Variants in KIF26B observed in about 807,000 individuals in gnomAD.
KIF26B encodes kinesin family member 26B.
KIF26B carries 63 observed loss-of-function variants against 151.2 expected under a neutral mutation model. The ratio of observed to expected loss-of-function variants is 0.42; its 90% CI spans 0.34 to 0.51. KIF26B has a LOEUF of 0.51. Ranked by LOEUF, KIF26B falls within the 20% of genes least tolerant of loss-of-function variation. The probability of loss-of-function intolerance (pLI) is 0.07; values close to 1 mark genes in which losing one functional copy is unlikely to be tolerated. For synonymous variants in KIF26B, 1,357 were observed against 1,262.1 expected (o/e 1.08, Z -1.59); for missense variants, 2,813 against 2,913.6 (o/e 0.97, Z 0.79).
At chr1:245,344,964 C>T (rs1672418354) in intron 2 of KIF26B, among the ~76,000 whole-genome samples, 1 of 152,098 alleles carries the variant, frequency 6.6e-6, no homozygotes, top group Non-Finnish European at 1.5e-5. Flanking sequence ...GATGCCTCCG[C>T]GTACACACTG....
chr1:245,416,165 A>G (rs1674412501), intron 3 of KIF26B, among the ~76,000 whole-genome samples: 1 of 151,034 alleles, frequency 6.6e-6, no homozygotes, highest in South Asian at 2.1e-4. Flanking sequence ...CTGTAATCCC[A>G]GCTACTCTGG....
chr1:245,696,778 G>T (rs77575357), intron 12 of KIF26B, among the ~76,000 whole-genome samples: 2,056 of 152,298 alleles, frequency 0.013, 60 homozygotes, highest in African/African-American at 0.047. Context: ...AAATGCGATT[G>T]TGTATGTGTC....
chr1:245,696,936 CCT>C (rs1350222448), intron 12 of KIF26B, among the ~76,000 whole-genome samples: 1 of 152,084 alleles, frequency 6.6e-6, no homozygotes, highest in Non-Finnish European at 1.5e-5. Context: ...ATCGTGAAAC[CCT>C]GTCTCTACTA....
In KIF26B at chr1:245,339,038, T is replaced by G. The variant is rs1039405879; in HGVS notation, c.466-27796T>G. 2.0e-5 allele frequency among the ~76,000 whole-genome samples: 3 copies of G among 151,540 alleles called. No individual in the cohort carries two copies. The East Asian group carries it at 5.8e-4, about 29-fold the overall frequency. On this transcript the variant is annotated intron_variant, in intron 2 of 14. Coordinates refer to ENST00000407071, the MANE Select transcript of KIF26B (RefSeq NM_018012.4). ...CTCTGTCCAGGTTGGAGTGCAGTAG[T>G]GCTATCTCGGCTCACTGCCACCTCC...
At chr1:245,221,872 C>A (rs1467843672) in intron 2 of KIF26B, among the ~76,000 whole-genome samples, 1 of 152,172 alleles carries the variant, frequency 6.6e-6, no homozygotes, top group East Asian at 1.9e-4. Flanking sequence ...ATAGCCTTGG[C>A]TTCTAGGTCT....
chr1:245,646,354 G>A (rs2043946206), intron 10 of KIF26B, 74 bp downstream of exon 10: 1 of 1,502,112 alleles, frequency 6.7e-7, no homozygotes, highest in African/African-American at 1.4e-5. Flanking sequence ...TGCCATCTGT[G>A]GAGAGGTGTG....
intron 4 of KIF26B, among the ~76,000 whole-genome samples, chr1:245,504,441 C>A (rs1572095457): frequency 7.4e-6 from 1 of 134,404 alleles, no homozygotes. Flanking sequence ...CTTTCTTTTT[C>A]TTTTTTTTTG....
chr1:245,452,539 C>A (rs796506813), intron 4 of KIF26B, among the ~76,000 whole-genome samples: 2 of 152,082 alleles, frequency 1.3e-5, no homozygotes, highest in South Asian at 4.2e-4. Context: ...CAGCGGCTGC[C>A]CATTTTACCC....
rs569215929 is a variant in KIF26B at position 245,241,763 on chromosome 1, G to A, written c.465+85080G>A. Among the ~76,000 whole-genome samples, 92 of 152,192 alleles carry A rather than the reference G, an allele frequency of 6.0e-4. No homozygotes were observed. The highest frequency in any genetic ancestry group is 1.2e-3 in the Non-Finnish European group (81 of 68,028). ...CCTCCTGTGGGCAGTGCTTCACAGC[G>A]GCAGCGGGAGCACTGGGTGCAGCCT... On this transcript the variant is annotated intron_variant, in intron 2 of 14. Coordinates refer to ENST00000407071, the MANE Select transcript of KIF26B (RefSeq NM_018012.4). This position sits in a 1 kb window ranked among gnomAD's most constrained non-coding sequence, Gnocchi z 5.0.
At chr1:245,500,181 C>T (rs1363324578) in intron 4 of KIF26B, among the ~76,000 whole-genome samples, 2 of 152,180 alleles carry the variant, frequency 1.3e-5, no homozygotes, top group Admixed American at 1.3e-4. Context: ...TGAAAGCTGT[C>T]GACTTTCCTT....
intron 4 of KIF26B, among the ~76,000 whole-genome samples, chr1:245,527,272 C>T (rs146530655): frequency 5.9e-5 from 9 of 152,254 alleles, no homozygotes; most frequent in Non-Finnish European, 1.0e-4. Flanking sequence ...AAAAGATATA[C>T]GTACATATTT....
At chr1:245,537,893 T>C (rs1661521085) in intron 4 of KIF26B, among the ~76,000 whole-genome samples, 1 of 152,178 alleles carries the variant, frequency 6.6e-6, no homozygotes, top group African/African-American at 2.4e-5. Context: ...AATTGATTAA[T>C]CATAGGCATT....
chr1:245,593,748 C>CACCT (rs2043313637), intron 5 of KIF26B, among the ~76,000 whole-genome samples: 1 of 152,196 alleles, frequency 6.6e-6, no homozygotes, highest in Non-Finnish European at 1.5e-5. Flanking sequence ...AATCACCACA[C>CACCT]TGTCTTCCAC....
Position 245,687,668 on chromosome 1 carries a change from A to C in KIF26B, c.4685A>C (p.Asn1562Thr). The C allele has an allele frequency of 6.3e-7, 1 of 1,577,186 alleles. No homozygotes were observed. The highest frequency in any genetic ancestry group is 1.2e-5 in the South Asian group (1 of 85,632). ...TCCTATTACTGCGCTGCTGAGACCA[A>C]CGGGGTGGGTGCAGCCTCGGGCACC... ...SLSYYCAAET[N>T]GVGAASGTPP... The change falls in exon 12 of 15, where the codon AAC becomes ACC. Residue 1562 changes from asparagine to threonine, a missense_variant. Physicochemically the swap from Asn to Thr is moderately conservative, Grantham distance 65 (BLOSUM62 0). This residue lies in a region of KIF26B where 2,060 missense variants were observed against 2,088.6 expected (regional missense o/e 0.99). Coordinates refer to ENST00000407071, the MANE Select transcript of KIF26B (RefSeq NM_018012.4). The surrounding 1 kb of genome is among the most constrained non-coding windows in gnomAD (Gnocchi z 4.9).
chr1:245,381,477 G>A (rs1673407954), intron 3 of KIF26B, among the ~76,000 whole-genome samples: 1 of 152,174 alleles, frequency 6.6e-6, no homozygotes, highest in African/African-American at 2.4e-5. Flanking sequence ...AACATTGCGA[G>A]ATTTTTTTGG....
chr1:245,538,964 T>C (rs992387973), intron 4 of KIF26B, among the ~76,000 whole-genome samples: 1 of 152,154 alleles, frequency 6.6e-6, no homozygotes, highest in Non-Finnish European at 1.5e-5. Flanking sequence ...CATTTCACCC[T>C]TGATTTTAGA....
intron 2 of KIF26B, among the ~76,000 whole-genome samples, chr1:245,174,776 C>T (rs1668775286): frequency 2.0e-5 from 3 of 152,228 alleles, no homozygotes; most frequent in African/African-American, 7.2e-5. Context: ...CTGACGTCTT[C>T]TGCCTATTCT....
At chr1:245,478,117 G>A (rs1033691721) in intron 4 of KIF26B, among the ~76,000 whole-genome samples, 4 of 151,834 alleles carry the variant, frequency 2.6e-5, no homozygotes, top group South Asian at 2.1e-4. Context: ...TTTCTTTCAC[G>A]TCACATAATG....
chr1:245,507,743 A>G (rs1660752773), intron 4 of KIF26B, among the ~76,000 whole-genome samples: 1 of 152,030 alleles, frequency 6.6e-6, no homozygotes, highest in Non-Finnish European at 1.5e-5. Flanking sequence ...CAGCCAGGCC[A>G]CCCCAAACTT....
Sources: allele counts gnomAD v4.1 joint callset (sites outside exome capture counted in the v4.1 genomes callset), GRCh38; gene constraint gnomAD v4.1.1; regional missense constraint gnomAD v4.1.1; non-coding constraint Gnocchi (gnomAD v3.1); transcripts MANE v1.5; gene names NCBI Gene and HGNC (gene_info 2026-07-23, HGNC 2026-07-21).